GPC6: variants seen among roughly 807,000 people sequenced by gnomAD.
GPC6 encodes glypican 6.
In GPC6, 14 loss-of-function variants were observed where a neutral mutation model predicts 55.2. That is an observed-to-expected ratio of 0.25 (90% CI 0.17 to 0.40). The LOEUF (loss-of-function observed/expected upper bound fraction) is 0.40. Among genes scored for constraint, GPC6 ranks in the 10% least tolerant of loss-of-function variants. The pLI, the probability that GPC6 is intolerant of heterozygous loss-of-function variation, is 1.00. For synonymous variants in GPC6, 278 were observed against 259.6 expected, an observed-to-expected ratio of 1.07 and a Z score of -0.68; for missense variants, 641 against 708.5, an observed-to-expected ratio of 0.90 and a Z score of 1.08.
chr13:93,745,482 C>T (rs1743093869), intron 2 of GPC6, among the ~76,000 whole-genome samples: 1 of 152,092 alleles, frequency 6.6e-6, no homozygotes, highest in Admixed American at 6.6e-5. Context: ...AGGTCTTTAC[C>T]TTGCATATAC....
intron 3 of GPC6, among the ~76,000 whole-genome samples, chr13:93,959,996 G>A (rs762662058): frequency 1.3e-5 from 2 of 152,126 alleles, no homozygotes; most frequent in Non-Finnish European, 2.9e-5. Context: ...AGCCTCATGA[G>A]GGAAAGAACT....
At chr13:93,880,777 GA>G (rs1160365536) in intron 3 of GPC6, among the ~76,000 whole-genome samples, 3 of 151,564 alleles carry the variant, frequency 2.0e-5, no homozygotes, top group Non-Finnish European at 4.4e-5. Context: ...ACTAATAAGA[GA>G]AAAGGTGTAC....
At chr13:93,924,696 C>CTTTTTTTTTTT (rs10710851) in intron 3 of GPC6, among the ~76,000 whole-genome samples, 1 of 128,568 alleles carries the variant, frequency 7.8e-6, no homozygotes, top group Non-Finnish European at 1.7e-5. Flanking sequence ...TCTTTCTTTT[C>CTTTTTTTTTTT]TTTTTTTTTT....
intron 4 of GPC6, among the ~76,000 whole-genome samples, chr13:94,280,947 A>G (rs1440342139): frequency 6.6e-6 from 1 of 152,130 alleles, no homozygotes; most frequent in African/African-American, 2.4e-5. Context: ...AATTTCCCCC[A>G]AAAGAAGGAA....
chr13:93,819,435 A>G (rs530301541), intron 2 of GPC6, among the ~76,000 whole-genome samples: 63 of 151,224 alleles, frequency 4.2e-4, no homozygotes, highest in African/African-American at 1.5e-3. Flanking sequence ...TACAGTTGAG[A>G]AAAAAAAAGC....
At chr13:93,602,371 A>T (rs193036184) in intron 2 of GPC6, among the ~76,000 whole-genome samples, 28 of 152,316 alleles carry the variant, frequency 1.8e-4, no homozygotes, top group African/African-American at 6.3e-4. Flanking sequence ...AAATATTAAA[A>T]TGAAGATGAC....
chr13:93,939,245 A>C (rs916294721), intron 3 of GPC6, among the ~76,000 whole-genome samples: 20 of 151,498 alleles, frequency 1.3e-4, no homozygotes, highest in African/African-American at 4.8e-4. Context: ...AAAAAAGAGA[A>C]ATTCTTCTTT....
At chr13:93,758,332 T>C (rs1884846190) in intron 2 of GPC6, among the ~76,000 whole-genome samples, 1 of 152,178 alleles carries the variant, frequency 6.6e-6, no homozygotes, top group South Asian at 2.1e-4. Context: ...GCAAGTGTTA[T>C]GACTGAGGTA....
At chr13:93,599,735 G>GA (rs1420778304) in intron 2 of GPC6, among the ~76,000 whole-genome samples, 2 of 152,138 alleles carry the variant, frequency 1.3e-5, no homozygotes, top group Admixed American at 1.3e-4. Context: ...TGATAAAAAT[G>GA]AAAATGCCAA....
intron 2 of GPC6, among the ~76,000 whole-genome samples, chr13:93,798,475 G>T (rs1220728743): frequency 6.6e-6 from 1 of 152,124 alleles, no homozygotes; most frequent in Non-Finnish European, 1.5e-5. Flanking sequence ...GTTAGATTTT[G>T]CAGTGCCAAA....
At chr13:93,304,228 G>T (rs1157152270) in intron 1 of GPC6, among the ~76,000 whole-genome samples, 1 of 152,142 alleles carries the variant, frequency 6.6e-6, no homozygotes, top group Non-Finnish European at 1.5e-5. Context: ...GGAGGTGTTT[G>T]TTGGGATTTT....
At chr13:94,368,451 C>G (rs955340785) in intron 6 of GPC6, among the ~76,000 whole-genome samples, 1 of 152,120 alleles carries the variant, frequency 6.6e-6, no homozygotes, top group Non-Finnish European at 1.5e-5. Context: ...CCAAGCATTA[C>G]AAAACCTACC....
At chr13:93,382,708 A>G (rs911342487) in intron 1 of GPC6, among the ~76,000 whole-genome samples, 6 of 152,214 alleles carry the variant, frequency 3.9e-5, no homozygotes, top group African/African-American at 1.4e-4. Flanking sequence ...CATTACTTTC[A>G]TTAGTGGGAA....
intron 2 of GPC6, among the ~76,000 whole-genome samples, chr13:93,576,128 C>A (rs1282187985): frequency 6.6e-6 from 1 of 151,984 alleles, no homozygotes; most frequent in Non-Finnish European, 1.5e-5. Context: ...ATGCAATTGT[C>A]TCTTCTATTT....
intron 2 of GPC6, among the ~76,000 whole-genome samples, chr13:93,798,697 T>G (rs995660555): frequency 2.0e-5 from 3 of 152,066 alleles, no homozygotes; most frequent in African/African-American, 7.2e-5. Context: ...GGCAGGCAGA[T>G]CACCTGAGGT....
intron 2 of GPC6, among the ~76,000 whole-genome samples, chr13:93,552,244 A>G (rs934636722): frequency 1.8e-4 from 27 of 152,240 alleles, no homozygotes; most frequent in African/African-American, 6.5e-4. Flanking sequence ...CCCAAAGGGC[A>G]GATCTTCCAA....
intron 1 of GPC6, among the ~76,000 whole-genome samples, chr13:93,486,014 T>C (rs1420939501): frequency 6.6e-6 from 1 of 152,118 alleles, no homozygotes; most frequent in Non-Finnish European, 1.5e-5. Flanking sequence ...TTAGGGTAGG[T>C]GGAGGAAGAA....
chr13:94,325,766 G>A (rs1049534122), intron 6 of GPC6, among the ~76,000 whole-genome samples: 3 of 152,128 alleles, frequency 2.0e-5, no homozygotes, highest in Non-Finnish European at 2.9e-5. Flanking sequence ...CTTTTGATCC[G>A]TGTGACCCGA....
At chr13:93,429,072 A>C (rs1877257753) in intron 1 of GPC6, among the ~76,000 whole-genome samples, 2 of 152,086 alleles carry the variant, frequency 1.3e-5, no homozygotes, top group South Asian at 4.1e-4. Context: ...TTAAAAGTGG[A>C]ATTGATTGCA....
Sources: gnomAD v4.1 joint callset for allele counts (sites outside exome capture counted in the v4.1 genomes callset) on GRCh38, gnomAD v4.1.1 for gene constraint, MANE v1.5 for transcripts, NCBI Gene and HGNC (gene_info 2026-07-23, HGNC 2026-07-21) for gene names.